GABRB1: variants seen among roughly 807,000 people sequenced by gnomAD.
The protein encoded by GABRB1 is gamma-aminobutyric acid type A receptor subunit beta1.
Under a neutral mutation model 51.6 loss-of-function variants are expected in GABRB1, and 17 were observed. The observed-to-expected ratio is 0.33, with a 90% CI of 0.23 to 0.49. The LOEUF (loss-of-function observed/expected upper bound fraction) is 0.49, where lower values mean the gene tolerates loss of function less well. Ranked by LOEUF, GABRB1 falls within the 20% of genes least tolerant of loss-of-function variation. The pLI is 0.99. For synonymous variants in GABRB1, 247 were observed against 218.9 expected (o/e 1.13, Z -1.14); for missense variants, 410 against 600.6 (o/e 0.68, Z 3.32).
intron 4 of GABRB1, among the ~76,000 whole-genome samples, chr4:47,218,302 G>T (rs140239286): frequency 2.3e-3 from 343 of 151,956 alleles, no homozygotes; most frequent in South Asian, 3.9e-3. Context: ...GAACATGAGG[G>T]TGCAGCTATC....
intron 4 of GABRB1, among the ~76,000 whole-genome samples, chr4:47,226,738 T>G (rs528235522): frequency 6.6e-6 from 1 of 152,298 alleles, no homozygotes; most frequent in African/African-American, 2.4e-5. Context: ...CACCACATTT[T>G]TTTCTGAGTG....
At chr4:47,137,299 A>T (rs940217665) in intron 3 of GABRB1, among the ~76,000 whole-genome samples, 2 of 143,686 alleles carry the variant, frequency 1.4e-5, no homozygotes, top group African/African-American at 5.2e-5. Flanking sequence ...GGAACACCAG[A>T]GATTGGCATG....
intron 1 of GABRB1, among the ~76,000 whole-genome samples, chr4:47,017,964 T>C (rs898638543): frequency 2.6e-5 from 4 of 152,162 alleles, no homozygotes; most frequent in African/African-American, 9.6e-5. Flanking sequence ...ATCTTTTCTG[T>C]TGTTATTCAT....
intron 3 of GABRB1, among the ~76,000 whole-genome samples, chr4:47,072,383 C>T (rs561354905): frequency 3.3e-5 from 5 of 152,174 alleles, no homozygotes; most frequent in Admixed American, 2.6e-4. Flanking sequence ...TTTTATAACT[C>T]GCAGCAGGTT....
intron 5 of GABRB1, among the ~76,000 whole-genome samples, chr4:47,330,177 C>T (rs1465825271): frequency 6.6e-6 from 1 of 152,156 alleles, no homozygotes; most frequent in Non-Finnish European, 1.5e-5. Flanking sequence ...TTGTTCAACT[C>T]AGGCCTTCAA....
At chr4:47,346,971 T>G (rs1726121538) in intron 5 of GABRB1, among the ~76,000 whole-genome samples, 1 of 152,186 alleles carries the variant, frequency 6.6e-6, no homozygotes, top group Non-Finnish European at 1.5e-5. Flanking sequence ...AACCTCCAGC[T>G]GAAATTCTCA....
In GABRB1 at chr4:47,426,062, T is replaced by A. The variant is rs376352619; in HGVS notation, c.*44T>A. On this transcript the variant is annotated 3_prime_UTR_variant, in exon 9 of 9. Transcript: ENST00000295454. ...CATTTAGACTACTTTCCTCTTCTATTGTTTTTTAACCTTACAGGTCCCCAA... is the reference window on the plus strand; with the variant it reads ...CATTTAGACTACTTTCCTCTTCTATAGTTTTTTAACCTTACAGGTCCCCAA... 409 of 1,461,152 alleles carry A rather than the reference T, an allele frequency of 2.8e-4. 1 individual carries two copies. The highest frequency in any genetic ancestry group is 3.7e-4 in the Non-Finnish European group (401 of 1,085,466). 90.5% of individuals were successfully genotyped at this position (1,461,152 alleles called of 1,614,324 possible).
intron 5 of GABRB1, among the ~76,000 whole-genome samples, chr4:47,338,408 C>T (rs186401241): frequency 5.3e-5 from 8 of 152,316 alleles, no homozygotes; most frequent in African/African-American, 1.2e-4. Context: ...AGATGCACCA[C>T]GCCATTCTCA....
intron 3 of GABRB1, among the ~76,000 whole-genome samples, chr4:47,144,365 G>A (rs957807433): frequency 2.0e-5 from 3 of 151,976 alleles, no homozygotes; most frequent in East Asian, 1.9e-4. Context: ...CCCTCTGAAG[G>A]CACCAAAGTA....
At chr4:47,252,358 C>G (rs533487522) in intron 4 of GABRB1, among the ~76,000 whole-genome samples, 36 of 152,180 alleles carry the variant, frequency 2.4e-4, no homozygotes, top group African/African-American at 8.7e-4. Flanking sequence ...GGGGCACTCA[C>G]AGTATTTGGG....
chr4:47,161,526 C>T (rs1004927350), intron 4 of GABRB1, 57 bp downstream of exon 4: 10 of 1,462,470 alleles, frequency 6.8e-6, no homozygotes, highest in Non-Finnish European at 2.9e-6. Flanking sequence ...TCATTTTAAA[C>T]TTTTGGAAGT....
chr4:47,135,827 G>T (rs867479612), intron 3 of GABRB1, among the ~76,000 whole-genome samples: 1 of 151,898 alleles, frequency 6.6e-6, no homozygotes, highest in Non-Finnish European at 1.5e-5. Flanking sequence ...TAATAATACA[G>T]ACATATTTAC....
intron 4 of GABRB1, among the ~76,000 whole-genome samples, chr4:47,251,541 G>C (rs73150151): frequency 0.013 from 1,956 of 152,270 alleles, 38 homozygotes; most frequent in African/African-American, 0.045. Flanking sequence ...TCACCTAACA[G>C]GGTGGGTAGG....
intron 4 of GABRB1, among the ~76,000 whole-genome samples, chr4:47,170,379 C>G (rs2109753298): frequency 1.8e-5 from 1 of 56,730 alleles, no homozygotes; most frequent in East Asian, 4.7e-4. Context: ...TACAGATCCA[C>G]TACACACACA....
intron 1 of GABRB1, among the ~76,000 whole-genome samples, chr4:47,000,218 T>C (rs187093759): frequency 6.6e-6 from 1 of 152,292 alleles, no homozygotes. Context: ...GTTGTAGGTA[T>C]GTATGTAGCC....
At chr4:47,354,229 T>C (rs1056597029) in intron 5 of GABRB1, among the ~76,000 whole-genome samples, 1 of 152,224 alleles carries the variant, frequency 6.6e-6, no homozygotes, top group Non-Finnish European at 1.5e-5. Flanking sequence ...TCATGACCAG[T>C]TGGTGAGTAT....
At chr4:47,346,047 C>CAAAA (rs10672251) in intron 5 of GABRB1, among the ~76,000 whole-genome samples, 4,654 of 142,858 alleles carry the variant, frequency 0.033, 99 homozygotes, top group Non-Finnish European at 0.049. Context: ...TTGAAAATGG[C>CAAAA]AAAAAAAAAA....
intron 5 of GABRB1, among the ~76,000 whole-genome samples, chr4:47,377,809 CAG>C (rs1466696464): frequency 6.6e-6 from 1 of 152,182 alleles, no homozygotes; most frequent in Admixed American, 6.5e-5. Flanking sequence ...TAGCTAGATA[CAG>C]AGTGTCCATT....
chr4:47,076,951 A>G (rs993841666), intron 3 of GABRB1, among the ~76,000 whole-genome samples: 13 of 152,200 alleles, frequency 8.5e-5, no homozygotes, highest in Non-Finnish European at 1.9e-4. Context: ...CTTGAAACCA[A>G]ATCATGGGTT....
Sources: gnomAD v4.1 joint callset for allele counts (sites outside exome capture counted in the v4.1 genomes callset) on GRCh38, gnomAD v4.1.1 for gene constraint, MANE v1.5 for transcripts, NCBI Gene and HGNC (gene_info 2026-07-23, HGNC 2026-07-21) for gene names.